BORCS5: variants seen among roughly 807,000 people sequenced by gnomAD.
BORCS5 encodes BLOC-1-related complex subunit 5.
BORCS5 carries 17 observed loss-of-function variants against 22.1 expected under a neutral mutation model. The observed-to-expected ratio is 0.77, with a 90% CI of 0.53 to 1.15. BORCS5 has a LOEUF of 1.15. Ranked by LOEUF, BORCS5 falls within the 50% of genes most tolerant of loss-of-function variation. The pLI, the probability that BORCS5 is intolerant of heterozygous loss-of-function variation, is 0.00. For synonymous variants in BORCS5, 117 were observed against 99.8 expected (o/e 1.17, Z -1.03); for missense variants, 247 against 253.2 (o/e 0.98, Z 0.17).
At chr12:12,458,929 G>T (rs1417137064) in intron 3 of BORCS5, among the ~76,000 whole-genome samples, 1 of 151,248 alleles carries the variant, frequency 6.6e-6, no homozygotes, top group Non-Finnish European at 1.5e-5. Flanking sequence ...TCAAGATCGC[G>T]CCACTGCACT....
At chr12:12,375,445 C>T (rs576157008) in intron 2 of BORCS5, among the ~76,000 whole-genome samples, 1 of 152,292 alleles carries the variant, frequency 6.6e-6, no homozygotes, top group South Asian at 2.1e-4. Flanking sequence ...GCAACATAGA[C>T]CTCATTTCTA....
intron 3 of BORCS5, among the ~76,000 whole-genome samples, chr12:12,454,874 A>G (rs1370699071): frequency 6.6e-6 from 1 of 152,236 alleles, no homozygotes; most frequent in Non-Finnish European, 1.5e-5. Flanking sequence ...TTTAAAAAGT[A>G]GAAGCTGAGA....
intron 2 of BORCS5, among the ~76,000 whole-genome samples, chr12:12,413,045 A>G (rs80327417): frequency 0.26 from 33,426 of 128,008 alleles, 3,429 homozygotes; most frequent in Non-Finnish European, 0.32. Context: ...TAGGCAGAGG[A>G]CCCTGCGGCC....
intron 3 of BORCS5, among the ~76,000 whole-genome samples, chr12:12,450,017 A>G (rs1399019797): frequency 1.3e-5 from 2 of 152,268 alleles, no homozygotes; most frequent in Admixed American, 6.5e-5. Flanking sequence ...CCTTATGGTC[A>G]GAAATAATTG....
At chr12:12,443,208 C>T (rs1218802511) in intron 3 of BORCS5, among the ~76,000 whole-genome samples, 4 of 152,212 alleles carry the variant, frequency 2.6e-5, no homozygotes, top group Non-Finnish European at 5.9e-5. Context: ...TCAGTTGCTT[C>T]TTTCTTGACC....
intron 2 of BORCS5, among the ~76,000 whole-genome samples, chr12:12,422,145 A>G (rs1308450843): frequency 6.6e-6 from 1 of 151,858 alleles, no homozygotes; most frequent in East Asian, 1.9e-4. Flanking sequence ...TAGGGTGTCG[A>G]TTTTAGATCT....
chr12:12,461,849 G>A (rs527748658), intron 3 of BORCS5, among the ~76,000 whole-genome samples: 26 of 152,292 alleles, frequency 1.7e-4, no homozygotes, highest in African/African-American at 5.5e-4. Flanking sequence ...ACGGCAAGGC[G>A]AGGGTTTTGA....
At chr12:12,380,215 G>A (rs910447718) in intron 2 of BORCS5, among the ~76,000 whole-genome samples, 3 of 151,188 alleles carry the variant, frequency 2.0e-5, no homozygotes, top group African/African-American at 7.3e-5. Flanking sequence ...AATAATGGAA[G>A]TTTGAAATAT....
chr12:12,364,998 A>G (rs772328856), intron 2 of BORCS5, among the ~76,000 whole-genome samples: 40 of 152,318 alleles, frequency 2.6e-4, no homozygotes, highest in Admixed American at 1.2e-3. Context: ...AGTGCCCTGA[A>G]AGTGAATAAT....
At chr12:12,432,111 A>G (rs1216926018) in intron 2 of BORCS5, among the ~76,000 whole-genome samples, 1 of 152,160 alleles carries the variant, frequency 6.6e-6, no homozygotes, top group Non-Finnish European at 1.5e-5. Flanking sequence ...TATTTTCCTC[A>G]GATTTTGGGT....
At chr12:12,426,995 C>T (rs1450110352) in intron 2 of BORCS5, among the ~76,000 whole-genome samples, 2 of 152,038 alleles carry the variant, frequency 1.3e-5, no homozygotes, top group South Asian at 2.1e-4. Context: ...ATGATGACTG[C>T]CGTTGCCCCC....
At chr12:12,434,786 T>C (rs1306126708) in intron 2 of BORCS5, among the ~76,000 whole-genome samples, 2 of 152,216 alleles carry the variant, frequency 1.3e-5, no homozygotes, top group Admixed American at 1.3e-4. Flanking sequence ...TAGGTGAATA[T>C]CAAAAGATAA....
At chr12:12,455,470 G>A (rs572524033) in intron 3 of BORCS5, among the ~76,000 whole-genome samples, 123 of 152,312 alleles carry the variant, frequency 8.1e-4, no homozygotes, top group African/African-American at 2.8e-3. Context: ...GGGTGGGAAA[G>A]ATGAGTGACT....
At chr12:12,381,947 A>T (rs921558279) in intron 2 of BORCS5, among the ~76,000 whole-genome samples, 1 of 151,198 alleles carries the variant, frequency 6.6e-6, no homozygotes, top group Non-Finnish European at 1.5e-5. Flanking sequence ...TGTTTTGAGG[A>T]TATGTTGCTG....
At chr12:12,422,870 T>C (rs1284586830) in intron 2 of BORCS5, among the ~76,000 whole-genome samples, 1 of 151,912 alleles carries the variant, frequency 6.6e-6, no homozygotes, top group Non-Finnish European at 1.5e-5. Context: ...TTTAGACTAA[T>C]TTTTTTTAAT....
intron 2 of BORCS5, among the ~76,000 whole-genome samples, chr12:12,416,838 G>C (rs1272633578): frequency 1.4e-5 from 2 of 144,872 alleles, no homozygotes; most frequent in Admixed American, 7.2e-5. Context: ...CTGGAGTGCA[G>C]TGGCACAGTC....
chr12:12,383,603 C>CTT (rs574652118), intron 2 of BORCS5, among the ~76,000 whole-genome samples: 9 of 139,580 alleles, frequency 6.4e-5, no homozygotes, highest in Middle Eastern at 3.9e-3. Flanking sequence ...ATGTCTTTGT[C>CTT]TTTTTTTTTT....
chr12:12,445,529 C>CTTTTTT (rs56356376), intron 3 of BORCS5, among the ~76,000 whole-genome samples: 1 of 39,010 alleles, frequency 2.6e-5, no homozygotes, highest in Non-Finnish European at 4.3e-5. Context: ...TTTGAAATAC[C>CTTTTTT]TTTTTTTTTT....
Position 12,466,676 on chromosome 12 carries a change from T to C in BORCS5, c.*900T>C, listed in dbSNP as rs1943209332. On this transcript the variant is annotated 3_prime_UTR_variant, in exon 4 of 4. Coordinates refer to ENST00000314565, the MANE Select transcript of BORCS5 (RefSeq NM_058169.6). ...AGTGTCGTACTTTACACATCATAGG[T>C]GTTCTAATGGAAGCAAGGACTGGAG... 1 of 152,164 alleles carries C rather than the reference T, an allele frequency of 6.6e-6. No individual in the cohort carries two copies. The highest frequency in any genetic ancestry group is 1.5e-5 in the Non-Finnish European group (1 of 68,044). 9.4% of individuals were successfully genotyped at this position (152,164 alleles called of 1,614,324 possible).
Sources: allele counts gnomAD v4.1 joint callset (sites outside exome capture counted in the v4.1 genomes callset), GRCh38; gene constraint gnomAD v4.1.1; transcripts MANE v1.5; gene names NCBI Gene and HGNC (gene_info 2026-07-23, HGNC 2026-07-21).